The following DST variants were observed in gnomAD, a reference collection of about 807,000 sequenced individuals.
The protein encoded by DST is bullous pemphigoid antigen.
In DST, 253 loss-of-function variants were observed where a neutral mutation model predicts 875.2. That is an observed-to-expected ratio of 0.29 (90% confidence interval 0.26 to 0.32). DST has a LOEUF of 0.32. Among genes scored for constraint, DST ranks in the 10% least tolerant of loss-of-function variants. The pLI, the probability that DST is intolerant of heterozygous loss-of-function variation, is 1.00. For synonymous variants in DST, 3,124 were observed against 3,197.1 expected, an observed-to-expected ratio of 0.98 and a Z score of 0.77; for missense variants, 8,287 against 9,111.6, an observed-to-expected ratio of 0.91 and a Z score of 3.68.
intron 72 of DST, among the ~76,000 whole-genome samples, chr6:56,514,616 C>G (rs1435487525): frequency 2.0e-5 from 3 of 149,656 alleles, no homozygotes; most frequent in Non-Finnish European, 4.5e-5. Context: ...CACACACCCC[C>G]TCATGCGCAT....
chr6:56,543,044 A>C (rs999693950), intron 61 of DST, among the ~76,000 whole-genome samples: 1 of 152,136 alleles, frequency 6.6e-6, no homozygotes, highest in Non-Finnish European at 1.5e-5. Flanking sequence ...AGGTTCAAAC[A>C]CCGCGGAAAC....
rs2098327929 is a variant in DST, at chr6:56,593,734, A to G, written c.12655T>C (p.Ser4219Pro). ...SKRDGGKVDTSATHREVQRKL... is the reference protein window; with the variant it reads ...SKRDGGKVDTPATHREVQRKL... Reference sequence around the variant, plus strand: ...CGCTGCACTTCTCTGTGGGTTGCAGAAGTATCAACCTTGCCACCGTCTCTC... The same window carrying G: ...CGCTGCACTTCTCTGTGGGTTGCAGGAGTATCAACCTTGCCACCGTCTCTC... The change falls in exon 48 of 104, where the codon TCT becomes CCT. Residue 4219 changes from serine (S) to proline (P), a missense_variant. This residue lies in a region of DST where 1,513 missense variants were observed against 1,677.8 expected (regional missense o/e 0.90). Coordinates refer to ENST00000680361, the MANE Select transcript of DST (RefSeq NM_001374736.1). 1 of 1,613,822 alleles carries G rather than the reference A, an allele frequency of 6.2e-7. No homozygotes were observed. The highest frequency in any genetic ancestry group is 8.5e-7 in the Non-Finnish European group (1 of 1,179,786).
rs79473252 is a variant in DST, at chr6:56,738,984, G to T, written c.626-3695C>A. Among the ~76,000 whole-genome samples, 79 of 151,484 alleles carry T rather than the reference G, an allele frequency of 5.2e-4. No individual in the cohort carries two copies. In the East Asian group the frequency reaches 0.012, roughly 23 times the overall value. ...ACCCCCAGGCACTTTGCTTAAAACT[G>T]CTATCAAAAGCAATGATATTAATAA... On this transcript the variant is annotated intron_variant, in intron 4 of 103. Coordinates refer to ENST00000680361, the MANE Select transcript of DST (RefSeq NM_001374736.1).
In DST at chr6:56,704,375, A is replaced by C. The variant is rs745583664; in HGVS notation, c.688-6T>G. 6.1e-6 allele frequency: 9 copies of C among 1,484,808 alleles called. No homozygotes were observed. In the Admixed American group the frequency reaches 1.9e-4, roughly 32 times the overall value. The allele number at this position is 1,484,808 out of a possible 1,614,324, so 92.0% of individuals were successfully genotyped here. A position where few individuals can be genotyped will look rare whatever the true frequency, so the allele number is the denominator to read the frequency against. ...TCATTCACATGTTTTCGAACCTATA[A>C]AGAGAAAAGCAAAATTTGGGGTCCT... On this transcript the variant is annotated splice_region_variant and splice_polypyrimidine_tract_variant and intron_variant, in intron 5 of 103. Coordinates refer to ENST00000680361, the MANE Select transcript of DST (RefSeq NM_001374736.1).
intron 97 of DST, among the ~76,000 whole-genome samples, chr6:56,469,334 T>C (rs2094760987): frequency 6.6e-6 from 1 of 151,254 alleles, no homozygotes. Context: ...AGCTACTACA[T>C]ATAAGAGATG....
At chr6:56,615,111 C>T in intron 36 of DST, 1 of 1,035,002 alleles carries the variant, frequency 9.7e-7, no homozygotes, top group African/African-American at 1.7e-5. Context: ...ATATCTTTCT[C>T]TTTGATTCCA....
Position 56,511,247 on chromosome 6 carries a change from C to T in DST, c.18730G>A (p.Val6244Ile). The T allele has an allele frequency of 6.3e-7, 1 of 1,595,958 alleles. No homozygotes were observed. The highest frequency in any genetic ancestry group is 8.5e-7 in the Non-Finnish European group (1 of 1,170,160). ...TCCAGTGCCACAGCACGCTTTTTGA[C>T]ATCTTCTTTAATTTGACTGTAAAGG... is the stretch of plus-strand genomic sequence containing the variant. Reference protein sequence around the residue: ...DTLYSQIKEDVKKRAVALDEA... With the variant: ...DTLYSQIKEDIKKRAVALDEA... Residue 6244 changes from valine to isoleucine, a missense_variant, in exon 73 of 104, where the codon GTC becomes ATC. By Grantham distance (29) the Val-to-Ile change is conservative (BLOSUM62 3). Transcript: ENST00000680361.
At chr6:56,581,316 G>A (rs1350808417) in intron 49 of DST, among the ~76,000 whole-genome samples, 1 of 151,998 alleles carries the variant, frequency 6.6e-6, no homozygotes, top group Non-Finnish European at 1.5e-5. Context: ...TTATATATAA[G>A]TGATGGGGAG....
At chr6:56,897,714 G>A (rs772758634) in intron 3 of DST, among the ~76,000 whole-genome samples, 6 of 152,122 alleles carry the variant, frequency 3.9e-5, no homozygotes, top group Admixed American at 6.5e-5. Flanking sequence ...CAGTCCCTGG[G>A]AGACTGATGG....
chr6:56,531,179 A>G (rs550903614), intron 64 of DST, among the ~76,000 whole-genome samples: 2 of 152,186 alleles, frequency 1.3e-5, no homozygotes, highest in Non-Finnish European at 2.9e-5. Flanking sequence ...CAAATATCCA[A>G]TCATCTAAAA....
intron 9 of DST, among the ~76,000 whole-genome samples, chr6:56,683,876 A>C (rs187553366): frequency 6.6e-6 from 1 of 152,372 alleles, no homozygotes; most frequent in African/African-American, 2.4e-5. Flanking sequence ...CCTAGTGTCA[A>C]GCAAGAAAGC....
At chr6:56,893,301 A>G (rs1276133580) in intron 3 of DST, among the ~76,000 whole-genome samples, 2 of 152,162 alleles carry the variant, frequency 1.3e-5, no homozygotes, top group African/African-American at 4.8e-5. Flanking sequence ...ATAGTCTCCA[A>G]TCTCATCCAG....
chr6:56,883,126 C>A (rs547776875), intron 3 of DST, among the ~76,000 whole-genome samples: 1 of 152,208 alleles, frequency 6.6e-6, no homozygotes, highest in Non-Finnish European at 1.5e-5. Context: ...CCTTGGCCTC[C>A]CAAAGTGCTG....
intron 4 of DST, among the ~76,000 whole-genome samples, chr6:56,839,377 ACACT>A (rs1390122237): frequency 6.6e-6 from 1 of 152,214 alleles, no homozygotes; most frequent in African/African-American, 2.4e-5. Context: ...ATCTTAACTA[ACACT>A]CAGCAAATTC....
At chr6:56,798,970 C>G (rs1561893177) in intron 4 of DST, among the ~76,000 whole-genome samples, 1 of 152,310 alleles carries the variant, frequency 6.6e-6, no homozygotes, top group East Asian at 1.9e-4. Context: ...GACTCAATTG[C>G]TGCAATCTCA....
At chr6:56,871,944 G>T (rs1040229833) in intron 3 of DST, among the ~76,000 whole-genome samples, 1 of 152,136 alleles carries the variant, frequency 6.6e-6, no homozygotes, top group African/African-American at 2.4e-5. Flanking sequence ...CCTCATGCTC[G>T]CTTAGACGTG....
intron 72 of DST, 102 bp from the exon 73 acceptor site, chr6:56,511,502 A>G: frequency 1.1e-6 from 1 of 886,822 alleles, no homozygotes; most frequent in East Asian, 2.7e-5. Context: ...CTCCAAACAA[A>G]CCCCTCCCCA....
Position 56,723,576 on chromosome 6 carries a change from A to T in DST, c.687+11652T>A, listed in dbSNP as rs548473483. Among the ~76,000 whole-genome samples, 39 of 152,006 alleles carry T rather than the reference A, an allele frequency of 2.6e-4. 1 individual carries two copies. The South Asian group carries it at 7.1e-3, about 28-fold the overall frequency. ...CCAAACTCTGTTTCAAAAAAAATTT[A>T]AAAAAGAAGGGCTGTGAGAAAACAT... On this transcript the variant is annotated intron_variant, in intron 5 of 103. Transcript: ENST00000680361.
At chr6:56,947,463 T>A (rs1224880601) in intron 2 of DST, among the ~76,000 whole-genome samples, 2 of 152,022 alleles carry the variant, frequency 1.3e-5, no homozygotes, top group East Asian at 3.9e-4. Flanking sequence ...TTGACCAGGA[T>A]GTTCTCCATC....
Sources: gnomAD v4.1 joint callset for allele counts (sites outside exome capture counted in the v4.1 genomes callset) on GRCh38, gnomAD v4.1.1 for gene constraint, gnomAD v4.1.1 regional missense constraint, MANE v1.5 for transcripts, NCBI Gene and HGNC (gene_info 2026-07-23, HGNC 2026-07-21) for gene names.